ARHGAP15: variants seen among roughly 807,000 people sequenced by gnomAD.
ARHGAP15 encodes the protein rho GTPase-activating protein 15.
In ARHGAP15, 51 loss-of-function variants were observed where a neutral mutation model predicts 63.7. The observed-to-expected ratio is 0.80, with a 90% CI of 0.64 to 1.01. ARHGAP15 has a LOEUF of 1.01. Ranked by LOEUF, ARHGAP15 falls within the 50% of genes least tolerant of loss-of-function variation. ARHGAP15 has a pLI of 0.00. For missense variants in ARHGAP15, 560 were observed against 564.6 expected (o/e 0.99, Z 0.08); for synonymous variants, 191 against 193.8 (o/e 0.99, Z 0.12).
At chr2:143,290,773 C>G in intron 6 of ARHGAP15, among the ~76,000 whole-genome samples, 1 of 151,966 alleles carries the variant, frequency 6.6e-6, no homozygotes, top group East Asian at 1.9e-4. Context: ...TACTTTTTAA[C>G]AGTAAATGGC....
At chr2:143,150,037 A>G (rs148802945) in intron 1 of ARHGAP15, among the ~76,000 whole-genome samples, 89 of 152,056 alleles carry the variant, frequency 5.9e-4, no homozygotes, top group Admixed American at 4.1e-3. Context: ...TGGCGAAATC[A>G]AGGATGCTGG....
chr2:143,289,465 A>C (rs1296819879), intron 6 of ARHGAP15, among the ~76,000 whole-genome samples: 1 of 152,190 alleles, frequency 6.6e-6, no homozygotes, highest in East Asian at 1.9e-4. Context: ...GTATTCCCTC[A>C]TGTGAGTATT....
At chr2:143,641,383 G>A (rs1362587770) in intron 12 of ARHGAP15, 1 of 151,982 alleles carries the variant, frequency 6.6e-6, no homozygotes, top group Non-Finnish European at 1.5e-5. Flanking sequence ...ACAAGTAAAA[G>A]TTATTAAGAT....
chr2:143,232,196 A>G (rs778800387), intron 5 of ARHGAP15, among the ~76,000 whole-genome samples: 2 of 152,234 alleles, frequency 1.3e-5, no homozygotes, highest in African/African-American at 2.4e-5. Flanking sequence ...TGAAAAGGAC[A>G]TTAAATCGTA....
At chr2:143,737,060 G>A (rs1685773071) in intron 13 of ARHGAP15, among the ~76,000 whole-genome samples, 1 of 152,144 alleles carries the variant, frequency 6.6e-6, no homozygotes, top group African/African-American at 2.4e-5. Context: ...AGTACAACTG[G>A]CATAAACTTG....
At chr2:143,670,885 T>C (rs1416745886) in intron 12 of ARHGAP15, among the ~76,000 whole-genome samples, 1 of 152,212 alleles carries the variant, frequency 6.6e-6, no homozygotes, top group African/African-American at 2.4e-5. Context: ...AGCAGGTGAA[T>C]TGATGCACTG....
intron 6 of ARHGAP15, among the ~76,000 whole-genome samples, chr2:143,395,052 CA>C (rs1314058877): frequency 6.6e-6 from 1 of 152,062 alleles, no homozygotes; most frequent in Non-Finnish European, 1.5e-5. Flanking sequence ...CCACATTTAG[CA>C]ACCAAACCAA....
intron 6 of ARHGAP15, among the ~76,000 whole-genome samples, chr2:143,376,848 C>T (rs973672661): frequency 1.3e-5 from 2 of 152,062 alleles, no homozygotes; most frequent in South Asian, 2.1e-4. Flanking sequence ...TTTAATTTCA[C>T]AAAACATACT....
chr2:143,387,605 T>C (rs1248982880), intron 6 of ARHGAP15, among the ~76,000 whole-genome samples: 1 of 152,134 alleles, frequency 6.6e-6, no homozygotes, highest in Non-Finnish European at 1.5e-5. Context: ...GGTAGAGAAC[T>C]TGCCTATGCA....
chr2:143,140,896 G>GTATC (rs768663515), intron 1 of ARHGAP15, among the ~76,000 whole-genome samples: 38 of 152,268 alleles, frequency 2.5e-4, no homozygotes, highest in Non-Finnish European at 4.0e-4. Flanking sequence ...AAAGCTTGCT[G>GTATC]TATCCTATGG....
chr2:143,343,300 C>T (rs534243898), intron 6 of ARHGAP15, among the ~76,000 whole-genome samples: 14 of 151,914 alleles, frequency 9.2e-5, no homozygotes, highest in African/African-American at 3.1e-4. Flanking sequence ...AGCATGAGGA[C>T]GCATGTTGAA....
At chr2:143,497,901 A>G (rs1692888771) in intron 9 of ARHGAP15, among the ~76,000 whole-genome samples, 2 of 152,184 alleles carry the variant, frequency 1.3e-5, no homozygotes, top group South Asian at 4.1e-4. Flanking sequence ...CATGGTGTGT[A>G]TGTTGAGTGT....
chr2:143,522,342 G>A (rs983235130), intron 10 of ARHGAP15, among the ~76,000 whole-genome samples: 2 of 152,142 alleles, frequency 1.3e-5, no homozygotes, highest in African/African-American at 2.4e-5. Flanking sequence ...CTGTTAAGGA[G>A]CATGTTAGTC....
intron 13 of ARHGAP15, among the ~76,000 whole-genome samples, chr2:143,729,996 A>G (rs752063512): frequency 2.0e-5 from 3 of 152,188 alleles, no homozygotes; most frequent in Non-Finnish European, 4.4e-5. Context: ...GTATTAATAG[A>G]GGTCAGGAAT....
rs1467280521 is a variant in ARHGAP15 at position 143,408,013 on chromosome 2, A to G, written c.475-27588A>G. Among the ~76,000 whole-genome samples the G allele has an allele frequency of 5.9e-3, 465 of 79,210 alleles. 7 individuals are homozygous for G. The highest frequency in any genetic ancestry group is 8.2e-3 in the Non-Finnish European group (342 of 41,734). The allele number at this position is 79,210 out of a possible 152,430, so 52.0% of individuals were successfully genotyped here. ...TATATATATATATATATATATATAT[A>G]TATATATATATATATATATCCTTTT... is the stretch of plus-strand genomic sequence containing the variant. On this transcript the variant is annotated intron_variant, in intron 6 of 13. Transcript: ENST00000295095.
chr2:143,419,508 A>G (rs1688824832), intron 6 of ARHGAP15, among the ~76,000 whole-genome samples: 1 of 152,144 alleles, frequency 6.6e-6, no homozygotes, highest in African/African-American at 2.4e-5. Context: ...TATTAAAGTA[A>G]ATCTCTATAA....
In ARHGAP15 at chr2:143,336,206, G is replaced by A. The variant is rs577511524; in HGVS notation, c.474+85606G>A. On this transcript the variant is annotated intron_variant, in intron 6 of 13. Transcript: ENST00000295095. The stretch of plus-strand genomic sequence containing the variant: ...GTATTTTTTGTAGAGACAAGATTTC[G>A]CCATGTTGCCCAGCCTCCAGCTTGT... Among the ~76,000 whole-genome samples, 6 of 152,078 alleles carry A rather than the reference G, an allele frequency of 3.9e-5. No individual in the cohort carries two copies. In the East Asian group the frequency reaches 5.8e-4, roughly 15 times the overall value.
intron 1 of ARHGAP15, among the ~76,000 whole-genome samples, chr2:143,148,634 G>A (rs886276279): frequency 6.6e-6 from 1 of 152,028 alleles, no homozygotes; most frequent in Non-Finnish European, 1.5e-5. Context: ...CAGATTCCCT[G>A]CTATAAGTTA....
In ARHGAP15 at chr2:143,672,342, C is replaced by A. The variant is rs568005742; in HGVS notation, c.1139-31077C>A. On this transcript the variant is annotated intron_variant, in intron 12 of 13. Transcript: ENST00000295095. ...CATAAAAACACACATAAATGACAGACAAAAACCCATAAAGTGGCTCATTGT... is the reference window on the plus strand; with the variant it reads ...CATAAAAACACACATAAATGACAGAAAAAAACCCATAAAGTGGCTCATTGT... Among the ~76,000 whole-genome samples the A allele has an allele frequency of 1.2e-4, 19 of 152,110 alleles. 1 individual carries two copies. The South Asian group carries it at 2.7e-3, about 22-fold the overall frequency.
Sources: allele counts gnomAD v4.1 joint callset (sites outside exome capture counted in the v4.1 genomes callset), GRCh38; gene constraint gnomAD v4.1.1; transcripts MANE v1.5; gene names NCBI Gene and HGNC (gene_info 2026-07-23, HGNC 2026-07-21).